Variants in ZFHX3 observed in about 807,000 individuals in gnomAD.
ZFHX3 encodes the protein zinc finger homeobox protein 3.
In ZFHX3, 42 loss-of-function variants were observed where a neutral mutation model predicts 279.1. That is an observed-to-expected ratio of 0.15 (90% CI 0.12 to 0.19). The LOEUF is 0.19. Among genes scored for constraint, ZFHX3 ranks in the 10% least tolerant of loss-of-function variants. The pLI is 1.00. For synonymous variants in ZFHX3, 2,293 were observed against 1,957.8 expected (o/e 1.17, Z -4.52); for missense variants, 4,981 against 4,754.0 (o/e 1.05, Z -1.40).
chr16:73,023,141 C>A (rs903784124), intron 1 of ZFHX3, among the ~76,000 whole-genome samples: 3 of 152,200 alleles, frequency 2.0e-5, no homozygotes, highest in African/African-American at 7.2e-5. Context: ...GCAGGAGAAT[C>A]GCTTGAACCT....
intron 5 of ZFHX3, among the ~76,000 whole-genome samples, chr16:73,213,397 A>C (rs555791419): frequency 2.0e-5 from 3 of 152,342 alleles, no homozygotes; most frequent in African/African-American, 7.2e-5. Flanking sequence ...TTTGGCAAAC[A>C]ATCACAACTA....
rs186368320 is a variant in ZFHX3 at position 73,099,150 on chromosome 16, T to C, written c.-896-5552A>G. 6 of 152,350 alleles carry C rather than the reference T, an allele frequency of 3.9e-5. No homozygotes were observed. In the East Asian group the frequency reaches 1.2e-3, roughly 29 times the overall value. The allele number at this position is 152,350 out of a possible 1,614,324, so 9.4% of individuals were successfully genotyped here. ...AAGACAAAATATTGTGAATGGTTAATAGGGTCAGTCTAAGTACACTTCCTG... is the reference window on the plus strand; with the variant it reads ...AAGACAAAATATTGTGAATGGTTAACAGGGTCAGTCTAAGTACACTTCCTG... On this transcript the variant is annotated intron_variant, in intron 7 of 17. Coordinates refer to the ZFHX3 transcript ENST00000641206.
intron 2 of ZFHX3, among the ~76,000 whole-genome samples, chr16:73,643,555 A>C (rs185478607): frequency 2.1e-3 from 322 of 152,258 alleles, no homozygotes; most frequent in African/African-American, 7.5e-3. Flanking sequence ...TATGCTTTAA[A>C]CTCATGTTCC....
intron 7 of ZFHX3, chr16:73,099,311 C>G (rs1966202646): frequency 6.6e-6 from 1 of 152,200 alleles, no homozygotes; most frequent in South Asian, 2.1e-4. Context: ...TAATGCCACC[C>G]TAAAATAATA....
At chr16:73,713,078 T>C (rs1367220851) in intron 1 of ZFHX3, among the ~76,000 whole-genome samples, 2 of 152,182 alleles carry the variant, frequency 1.3e-5, no homozygotes, top group African/African-American at 4.8e-5. Flanking sequence ...TGCTCTCTTT[T>C]GTTTAGAAAA....
At chr16:73,374,607 C>G (rs148584671) in intron 3 of ZFHX3, among the ~76,000 whole-genome samples, 47 of 152,292 alleles carry the variant, frequency 3.1e-4, no homozygotes, top group South Asian at 8.3e-4. Flanking sequence ...TCTGATTGTC[C>G]TATACATTTT....
chr16:73,353,352 A>G lies in ZFHX3; in HGVS notation c.-1290-35016T>C, dbSNP rs1267484356. On this transcript the variant is annotated intron_variant, in intron 3 of 17. Transcript: ENST00000641206. ...CCAAAGCAAGGACTGCCATCCATTT[A>G]CTCACTCTGGGTTGACCCAGGATCC... Among the ~76,000 whole-genome samples the G allele has an allele frequency of 2.0e-5, 3 of 152,266 alleles. No homozygotes were observed. The East Asian group carries it at 5.8e-4, about 29-fold the overall frequency.
At chr16:73,822,107 A>C (rs948159412) in intron 1 of ZFHX3, among the ~76,000 whole-genome samples, 1 of 152,204 alleles carries the variant, frequency 6.6e-6, no homozygotes, top group East Asian at 1.9e-4. Flanking sequence ...ATCAGTGTCC[A>C]GTACAATAAA....
chr16:73,832,936 G>A (rs1385689473), intron 1 of ZFHX3, among the ~76,000 whole-genome samples: 1 of 152,160 alleles, frequency 6.6e-6, no homozygotes, highest in Non-Finnish European at 1.5e-5. Flanking sequence ...CTATATGACA[G>A]TCAAATTTAG....
intron 1 of ZFHX3, chr16:73,816,128 T>C (rs1395038573): frequency 1.3e-5 from 2 of 152,234 alleles, no homozygotes; most frequent in African/African-American, 4.8e-5. Flanking sequence ...TTATGTTATG[T>C]ATACATACAT....
intron 5 of ZFHX3, among the ~76,000 whole-genome samples, chr16:73,158,943 G>T (rs112570543): frequency 1.3e-5 from 2 of 152,114 alleles, no homozygotes; most frequent in African/African-American, 4.8e-5. Context: ...ATGGATTAAA[G>T]ACTTAAATGT....
At chr16:73,327,873 GC>G (rs1315619629) in intron 3 of ZFHX3, among the ~76,000 whole-genome samples, 1 of 152,130 alleles carries the variant, frequency 6.6e-6, no homozygotes, top group African/African-American at 2.4e-5. Flanking sequence ...TGATGGTCTT[GC>G]TGGCCTGGAA....
At chr16:73,334,236 G>A (rs1473566298) in intron 3 of ZFHX3, among the ~76,000 whole-genome samples, 1 of 152,112 alleles carries the variant, frequency 6.6e-6, no homozygotes, top group Non-Finnish European at 1.5e-5. Context: ...CCTCTCTGCT[G>A]AGAATAAGCC....
At chr16:73,055,100 G>T (rs1476850450) in intron 1 of ZFHX3, among the ~76,000 whole-genome samples, 2 of 149,844 alleles carry the variant, frequency 1.3e-5, no homozygotes, top group East Asian at 3.9e-4. Flanking sequence ...AACAAATTAC[G>T]ACCTAAACAT....
At position 72,968,857 on chromosome 16, in the gene ZFHX3, C is replaced by G. The variant is rs58220930; in HGVS notation, c.-49-8663G>C. 2.6e-5 allele frequency among the ~76,000 whole-genome samples: 4 copies of G among 152,194 alleles called. No homozygotes were observed. In the East Asian group the frequency reaches 7.7e-4, roughly 29 times the overall value. On this transcript the variant is annotated intron_variant, in intron 1 of 9. Transcript: ENST00000268489. Reference sequence around the variant, plus strand: ...TGGTATATTTAGAGGTGAAGGGGCACAATGCCTCGATTTTCAAATGGGTTA... The same window carrying G: ...TGGTATATTTAGAGGTGAAGGGGCAGAATGCCTCGATTTTCAAATGGGTTA...
chr16:73,337,896 G>GGGGT (rs1555510899), intron 3 of ZFHX3, among the ~76,000 whole-genome samples: 2 of 145,316 alleles, frequency 1.4e-5, no homozygotes, highest in African/African-American at 2.5e-5. Flanking sequence ...CCTTGGCGGG[G>GGGGT]GGGGGGGTCC....
At chr16:73,051,168 G>A (rs1404506608), upstream of ZFHX3, among the ~76,000 whole-genome samples, 2 of 152,170 alleles carry the variant, frequency 1.3e-5, no homozygotes, top group Non-Finnish European at 2.9e-5. Flanking sequence ...ACCCTTCCGG[G>A]TTCTTCTATT....
intron 3 of ZFHX3, among the ~76,000 whole-genome samples, chr16:73,325,088 C>T (rs900615578): frequency 2.0e-5 from 3 of 151,990 alleles, no homozygotes; most frequent in Admixed American, 1.3e-4. Context: ...TCTCTGGCTG[C>T]GAAGTAGAGA....
chr16:72,873,438 G>A (rs778885047), intron 4 of ZFHX3, among the ~76,000 whole-genome samples: 2 of 152,132 alleles, frequency 1.3e-5, no homozygotes, highest in Non-Finnish European at 2.9e-5. Flanking sequence ...ATTCAGGTAC[G>A]TTCTTTCATT....
Sources: gnomAD v4.1 joint callset for allele counts (sites outside exome capture counted in the v4.1 genomes callset) on GRCh38, gnomAD v4.1.1 for gene constraint, MANE v1.5 for transcripts, NCBI Gene and HGNC (gene_info 2026-07-23, HGNC 2026-07-21) for gene names.